The following BORCS5 variants were observed in gnomAD, a reference collection of about 807,000 sequenced individuals.
The protein encoded by BORCS5 is BLOC-1 related complex subunit 5.
A neutral mutation model predicts 22.1 loss-of-function variants in BORCS5; 17 were observed. The ratio of observed to expected loss-of-function variants is 0.77; its 90% CI spans 0.53 to 1.15. The LOEUF (loss-of-function observed/expected upper bound fraction) is 1.15, where lower values mean the gene tolerates loss of function less well. Ranked by LOEUF, BORCS5 falls within the 50% of genes most tolerant of loss-of-function variation. The pLI, the probability that BORCS5 is intolerant of heterozygous loss-of-function variation, is 0.00. For synonymous variants in BORCS5, 117 were observed against 99.8 expected (o/e 1.17, Z -1.03); for missense variants, 247 against 253.2 (o/e 0.98, Z 0.17).
intron 3 of BORCS5, among the ~76,000 whole-genome samples, chr12:12,440,617 A>C (rs1310149922): frequency 4.0e-5 from 6 of 151,718 alleles, no homozygotes; most frequent in Non-Finnish European, 5.9e-5. Flanking sequence ...AAAAAAAAAA[A>C]AAACCAGGAT....
chr12:12,417,535 T>G (rs960042221), intron 2 of BORCS5, among the ~76,000 whole-genome samples: 1 of 152,204 alleles, frequency 6.6e-6, no homozygotes, highest in Non-Finnish European at 1.5e-5. Context: ...GTGGTTCTAG[T>G]CATTATTGTG....
At position 12,470,051 on chromosome 12, in the gene BORCS5, A is replaced by G. The variant is rs928140226; in HGVS notation, c.*4275A>G. 6.6e-6 allele frequency among the ~76,000 whole-genome samples: 1 copy of G among 152,096 alleles called. No individual in the cohort carries two copies. The highest frequency in any genetic ancestry group is 1.5e-5 in the Non-Finnish European group (1 of 68,026). On this transcript the variant is annotated 3_prime_UTR_variant, in exon 4 of 4. Transcript: ENST00000314565. ...CACAGCAGGAGGTGAGCGGCGGATG[A>G]GCAGGTGAAGCTTCACGTGTTGTTG...
chr12:12,435,774 C>G lies in BORCS5; in HGVS notation c.349C>G (p.Arg117Gly), dbSNP rs779247193. The part of the protein sequence containing the change: ...VAFDQNALVK[R>G]IKEMDLSVET... Reference sequence around the variant, plus strand: ...TTTTGACCAGAATGCTTTGGTTAAACGAATCAAAGAGGTAATGTGCTGCGG... The same window carrying G: ...TTTTGACCAGAATGCTTTGGTTAAAGGAATCAAAGAGGTAATGTGCTGCGG... The change falls in exon 3 of 4, where the codon CGA becomes GGA. Residue 117 changes from arginine (R) to glycine (G), a missense_variant. By Grantham distance (125) the Arg-to-Gly change is moderately radical. Coordinates refer to ENST00000314565, the MANE Select transcript of BORCS5 (RefSeq NM_058169.6). 6.2e-7 allele frequency: 1 copy of G among 1,611,968 alleles called. No individual in the cohort carries two copies. The highest frequency in any genetic ancestry group is 2.2e-5 in the East Asian group (1 of 44,806).
At chr12:12,378,255 C>A (rs1163702537) in intron 2 of BORCS5, among the ~76,000 whole-genome samples, 1 of 152,028 alleles carries the variant, frequency 6.6e-6, no homozygotes, top group African/African-American at 2.4e-5. Context: ...GCCTGTAATC[C>A]CAGCTACTCA....
chr12:12,357,399 GGAGC>G lies in BORCS5; in HGVS notation c.-51_-48del, dbSNP rs1340658592. The G allele has an allele frequency of 1.9e-6, 3 of 1,586,570 alleles. No homozygotes were observed. In the African/African-American group the frequency reaches 4.0e-5, roughly 21 times the overall value. The stretch of plus-strand genomic sequence containing the variant: ...GGCCCCTGCCCTGTCGCCCGCCGCC[GGAGC>G]GGTGACCGCCCGGCCCGCCGTTCTT... On this transcript the variant is annotated 5_prime_UTR_variant, in exon 1 of 4. Transcript: ENST00000314565.
intron 2 of BORCS5, among the ~76,000 whole-genome samples, chr12:12,399,333 G>A (rs1941418674): frequency 6.6e-6 from 1 of 152,128 alleles, no homozygotes; most frequent in Non-Finnish European, 1.5e-5. Flanking sequence ...TTGCAAAAGG[G>A]TTTCTTACGT....
intron 3 of BORCS5, among the ~76,000 whole-genome samples, chr12:12,450,478 G>A (rs541216673): frequency 2.6e-5 from 4 of 152,096 alleles, no homozygotes; most frequent in Non-Finnish European, 5.9e-5. Flanking sequence ...TTTTTGTTTT[G>A]TAATTGTCCA....
intron 3 of BORCS5, among the ~76,000 whole-genome samples, chr12:12,458,926 C>G (rs1000953816): frequency 6.6e-6 from 1 of 151,364 alleles, no homozygotes; most frequent in Non-Finnish European, 1.5e-5. Flanking sequence ...GAGTCAAGAT[C>G]GCGCCACTGC....
At chr12:12,378,367 G>C (rs574978890) in intron 2 of BORCS5, among the ~76,000 whole-genome samples, 1 of 152,058 alleles carries the variant, frequency 6.6e-6, no homozygotes, top group Admixed American at 6.5e-5. Flanking sequence ...GTGAGACTCC[G>C]TCTCCAAAAA....
intron 2 of BORCS5, among the ~76,000 whole-genome samples, chr12:12,419,224 A>G (rs1942051937): frequency 6.6e-6 from 1 of 152,058 alleles, no homozygotes; most frequent in Admixed American, 6.6e-5. Flanking sequence ...GCCCCGGTGT[A>G]TGATGTTCCC....
intron 2 of BORCS5, among the ~76,000 whole-genome samples, chr12:12,380,856 A>G (rs1431927120): frequency 6.6e-6 from 1 of 151,216 alleles, no homozygotes; most frequent in Non-Finnish European, 1.5e-5. Context: ...TGTGTGCTTG[A>G]AATACCTGTT....
chr12:12,388,068 T>C (rs902512141), intron 2 of BORCS5, among the ~76,000 whole-genome samples: 5 of 151,484 alleles, frequency 3.3e-5, no homozygotes, highest in African/African-American at 1.2e-4. Flanking sequence ...CTATCTCATA[T>C]GCGATTAGTG....
intron 1 of BORCS5, among the ~76,000 whole-genome samples, chr12:12,359,344 C>A (rs1457912376): frequency 1.4e-5 from 2 of 146,046 alleles, no homozygotes; most frequent in Non-Finnish European, 3.0e-5. Context: ...CCAGCCTGGG[C>A]GATGTAGTGA....
At chr12:12,417,445 A>G (rs560274000) in intron 2 of BORCS5, among the ~76,000 whole-genome samples, 9 of 152,194 alleles carry the variant, frequency 5.9e-5, no homozygotes, top group Non-Finnish European at 1.2e-4. Context: ...GTTGTTAGGT[A>G]CATTATTCTG....
intron 3 of BORCS5, among the ~76,000 whole-genome samples, chr12:12,450,555 G>A (rs567502387): frequency 1.4e-4 from 22 of 151,882 alleles, no homozygotes; most frequent in East Asian, 1.9e-4. Flanking sequence ...TTTCCATTCC[G>A]CTTGACAGCA....
At chr12:12,413,372 T>G (rs1256773398) in intron 2 of BORCS5, among the ~76,000 whole-genome samples, 3 of 141,702 alleles carry the variant, frequency 2.1e-5, no homozygotes, top group Non-Finnish European at 3.1e-5. Flanking sequence ...ACACAGCACA[T>G]GTTTCAGAGA....
intron 2 of BORCS5, among the ~76,000 whole-genome samples, chr12:12,389,654 T>C (rs1941118458): frequency 6.6e-6 from 1 of 151,946 alleles, no homozygotes; most frequent in Admixed American, 6.6e-5. Context: ...TTTATGTATT[T>C]ATTTTTTGAG....
At position 12,466,110 on chromosome 12, in the gene BORCS5, T is replaced by C. The variant is rs907112900; in HGVS notation, c.*334T>C. ...TTGAGAGTATATAGTCCAGTCCAGG[T>C]ACCGGAATAAAAATATGGAGACAAG... On this transcript the variant is annotated 3_prime_UTR_variant, in exon 4 of 4. Coordinates refer to ENST00000314565, the MANE Select transcript of BORCS5 (RefSeq NM_058169.6). 17 of 204,300 alleles carry C rather than the reference T, an allele frequency of 8.3e-5. 1 individual carries two copies. In the South Asian group the frequency reaches 2.3e-3, roughly 28 times the overall value. The allele number at this position is 204,300 out of a possible 1,614,324, so 12.7% of individuals were successfully genotyped here.
rs79594943 is a variant in BORCS5, at chr12:12,396,642, G to T, written c.202+35293G>T. On this transcript the variant is annotated intron_variant, in intron 2 of 3. Coordinates refer to ENST00000314565, the MANE Select transcript of BORCS5 (RefSeq NM_058169.6). ...AAACTCTTGGAGGGAGTGGGGGGTGGGGGTTATAAATCTTTATGTTATTTT... is the reference window on the plus strand; with the variant it reads ...AAACTCTTGGAGGGAGTGGGGGGTGTGGGTTATAAATCTTTATGTTATTTT... 3.2e-4 allele frequency among the ~76,000 whole-genome samples: 49 copies of T among 152,066 alleles called. 1 individual carries two copies. In the East Asian group the frequency reaches 9.3e-3, roughly 29 times the overall value.
Sources: gnomAD v4.1 joint callset for allele counts (sites outside exome capture counted in the v4.1 genomes callset) on GRCh38, gnomAD v4.1.1 for gene constraint, MANE v1.5 for transcripts, NCBI Gene and HGNC (gene_info 2026-07-23, HGNC 2026-07-21) for gene names.